The following SLC25A21 variants were observed in gnomAD, a reference collection of about 807,000 sequenced individuals.
The protein encoded by SLC25A21 is mitochondrial 2-oxodicarboxylate carrier.
Under a neutral mutation model 43.8 loss-of-function variants are expected in SLC25A21, and 47 were observed. The observed-to-expected ratio is 1.07, with a 90% CI of 0.85 to 1.37. The LOEUF is 1.37. Ranked by LOEUF, SLC25A21 falls within the 40% of genes most tolerant of loss-of-function variation. The probability of loss-of-function intolerance (pLI) is 0.00; values close to 1 mark genes in which losing one functional copy is unlikely to be tolerated. For synonymous variants in SLC25A21, 131 were observed against 121.3 expected (o/e 1.08, Z -0.52); for missense variants, 352 against 350.2 (o/e 1.00, Z -0.04).
At chr14:37,140,768 T>C (rs1441760930) in intron 1 of SLC25A21, among the ~76,000 whole-genome samples, 1 of 152,214 alleles carries the variant, frequency 6.6e-6, no homozygotes, top group African/African-American at 2.4e-5. Context: ...AATTCTCTTT[T>C]GAAAATACAG....
chr14:37,170,667 C>A (rs907643217), intron 1 of SLC25A21, among the ~76,000 whole-genome samples: 3 of 152,036 alleles, frequency 2.0e-5, no homozygotes, highest in Non-Finnish European at 4.4e-5. Context: ...TGGCTCACGC[C>A]TGTAGTCCCA....
In SLC25A21 at chr14:36,955,575, C is replaced by T. The variant is rs551911831; in HGVS notation, c.71-80571G>A. 2.0e-5 allele frequency among the ~76,000 whole-genome samples: 3 copies of T among 152,178 alleles called. No homozygotes were observed. The South Asian group carries it at 6.2e-4, about 32-fold the overall frequency. On this transcript the variant is annotated intron_variant, in intron 1 of 9. Coordinates refer to ENST00000331299, the MANE Select transcript of SLC25A21 (RefSeq NM_030631.4). ...CACAGGCACTGCTAGTAGCAACTCA[C>T]CATTAGTCATGAAGATTTTAACTGC...
At chr14:36,767,291 C>G (rs1375353540) in intron 3 of SLC25A21, among the ~76,000 whole-genome samples, 2 of 152,206 alleles carry the variant, frequency 1.3e-5, no homozygotes, top group Non-Finnish European at 2.9e-5. Flanking sequence ...ACACTGTATC[C>G]TAGCCAGAGA....
intron 1 of SLC25A21, among the ~76,000 whole-genome samples, chr14:36,911,462 C>T (rs1048392868): frequency 6.6e-6 from 1 of 152,124 alleles, no homozygotes; most frequent in African/African-American, 2.4e-5. Flanking sequence ...GATGGGGTGC[C>T]CTCCTGCACT....
intron 1 of SLC25A21, among the ~76,000 whole-genome samples, chr14:37,004,406 T>C (rs1185021436): frequency 6.6e-6 from 1 of 152,194 alleles, no homozygotes; most frequent in Non-Finnish European, 1.5e-5. Context: ...GAAATAAAAA[T>C]GGCTGCAGAG....
rs1455408195 is a variant in SLC25A21, at chr14:36,710,411, CG to C, written c.603+906del. 9.5e-4 allele frequency among the ~76,000 whole-genome samples: 143 copies of C among 150,334 alleles called. 2 individuals are homozygous for C. Among genetic ancestry groups the C allele is most frequent in the East Asian group, 5.7e-3 (29 of 5,112 alleles). On this transcript the variant is annotated intron_variant, in intron 7 of 9. Coordinates refer to ENST00000331299, the MANE Select transcript of SLC25A21 (RefSeq NM_030631.4). ...AGAAAAGAAAAGAAAAAAAAGGAAA[CG>C]GGGAAAAAAAAGAAAGAAAGAAAGA... is the stretch of plus-strand genomic sequence containing the variant.
chr14:36,751,738 A>G (rs1417669311), intron 3 of SLC25A21, among the ~76,000 whole-genome samples: 1 of 152,190 alleles, frequency 6.6e-6, no homozygotes, highest in Non-Finnish European at 1.5e-5. Flanking sequence ...ACATACTTCA[A>G]TTTTGTCAAT....
At chr14:37,108,731 G>A (rs974938228) in intron 1 of SLC25A21, among the ~76,000 whole-genome samples, 4 of 146,554 alleles carry the variant, frequency 2.7e-5, no homozygotes, top group Admixed American at 1.3e-4. Flanking sequence ...GTGTGTGTGT[G>A]TGTGTGTGCG....
intron 1 of SLC25A21, among the ~76,000 whole-genome samples, chr14:37,148,540 C>T (rs764310695): frequency 2.4e-4 from 37 of 152,136 alleles, no homozygotes; most frequent in Admixed American, 5.9e-4. Context: ...AAGTATTTGA[C>T]GTCTAAATCA....
chr14:36,782,155 A>G (rs900686912), intron 3 of SLC25A21, among the ~76,000 whole-genome samples: 11 of 152,208 alleles, frequency 7.2e-5, no homozygotes, highest in African/African-American at 2.7e-4. Context: ...TGTAGTATTC[A>G]AAATCCTCTG....
rs1440555000 is a variant in SLC25A21, at chr14:36,875,020, GAAAA to G, written c.71-20_71-17del. 5 of 1,488,668 alleles carry G rather than the reference GAAAA, an allele frequency of 3.4e-6. No individual in the cohort carries two copies. Among genetic ancestry groups the G allele is most frequent in the Non-Finnish European group, 4.5e-6 (5 of 1,113,448 alleles). 92.2% of individuals were successfully genotyped at this position (1,488,668 alleles called of 1,614,324 possible). On this transcript the variant is annotated splice_polypyrimidine_tract_variant and intron_variant, in intron 1 of 9. Transcript: ENST00000331299. ...TCTACAAGACCTGAAAGATGATAAA[GAAAA>G]TCCAATAAACACTTATGTAAACACT...
intron 1 of SLC25A21, among the ~76,000 whole-genome samples, chr14:37,160,016 TATC>T (rs1213220829): frequency 6.6e-6 from 1 of 152,140 alleles, no homozygotes; most frequent in Admixed American, 6.5e-5. Context: ...CACAATGAGA[TATC>T]ATCTCTACCC....
chr14:36,780,798 C>T (rs931452556), intron 3 of SLC25A21, among the ~76,000 whole-genome samples: 27 of 151,998 alleles, frequency 1.8e-4, no homozygotes, highest in African/African-American at 6.3e-4. Flanking sequence ...GTGTATTTTG[C>T]TGCTGTTTGA....
chr14:36,993,352 G>C (rs1178818629), intron 1 of SLC25A21, among the ~76,000 whole-genome samples: 1 of 152,040 alleles, frequency 6.6e-6, no homozygotes, highest in Non-Finnish European at 1.5e-5. Context: ...GAGTTTTATG[G>C]CTTTAAAAAT....
chr14:36,835,899 C>T (rs1889192772), intron 2 of SLC25A21, among the ~76,000 whole-genome samples: 1 of 152,162 alleles, frequency 6.6e-6, no homozygotes, highest in Non-Finnish European at 1.5e-5. Flanking sequence ...TGGCACTCAC[C>T]ATTGTCTTCC....
At chr14:36,857,444 G>C (rs1002102092) in intron 2 of SLC25A21, among the ~76,000 whole-genome samples, 1 of 152,168 alleles carries the variant, frequency 6.6e-6, no homozygotes, top group Non-Finnish European at 1.5e-5. Flanking sequence ...GCACACATTG[G>C]GGGCCAGGCG....
At chr14:36,925,324 T>C (rs1175265085) in intron 1 of SLC25A21, among the ~76,000 whole-genome samples, 2 of 152,156 alleles carry the variant, frequency 1.3e-5, no homozygotes, top group Admixed American at 1.3e-4. Context: ...ACCCCAATTA[T>C]ATGCTGTCTA....
chr14:36,778,849 C>T lies in SLC25A21; in HGVS notation c.203+35069G>A, dbSNP rs569297442. 1.8e-3 allele frequency among the ~76,000 whole-genome samples: 271 copies of T among 152,210 alleles called. 1 individual carries two copies. Among genetic ancestry groups the T allele is most frequent in the African/African-American group, 6.4e-3 (266 of 41,516 alleles). Reference sequence around the variant, plus strand: ...TTGTTTTAGTGAGAACACTTAAGATCTAATCTCTTAGCAAATTTCAAGTAT... The same window carrying T: ...TTGTTTTAGTGAGAACACTTAAGATTTAATCTCTTAGCAAATTTCAAGTAT... On this transcript the variant is annotated intron_variant, in intron 3 of 9. Coordinates refer to ENST00000331299, the MANE Select transcript of SLC25A21 (RefSeq NM_030631.4).
At position 37,121,768 on chromosome 14, in the gene SLC25A21, G is replaced by A. The variant is rs75332510; in HGVS notation, c.70+50513C>T. On this transcript the variant is annotated intron_variant, in intron 1 of 9. Coordinates refer to ENST00000331299, the MANE Select transcript of SLC25A21 (RefSeq NM_030631.4). ...CGCGCCACTGCACTCCAGCCTGAGC[G>A]ACGGAACGAGACTCCATCTCAAAAA... Among the ~76,000 whole-genome samples, 2,414 of 148,740 alleles carry A rather than the reference G, an allele frequency of 0.016. 182 individuals are homozygous for A. The East Asian group carries it at 0.26, about 16-fold the overall frequency.
Sources: gnomAD v4.1 joint callset for allele counts (sites outside exome capture counted in the v4.1 genomes callset) on GRCh38, gnomAD v4.1.1 for gene constraint, MANE v1.5 for transcripts, NCBI Gene and HGNC (gene_info 2026-07-23, HGNC 2026-07-21) for gene names.